The following NEDD1 variants were observed in gnomAD, a reference collection of about 807,000 sequenced individuals.
The protein encoded by NEDD1 is protein NEDD1.
Under a neutral mutation model 74.0 loss-of-function variants are expected in NEDD1, and 33 were observed. The ratio of observed to expected loss-of-function variants is 0.45; its 90% confidence interval spans 0.34 to 0.60. The LOEUF (loss-of-function observed/expected upper bound fraction) is 0.60. NEDD1 is among the 20% of genes least tolerant of loss of function. The probability of loss-of-function intolerance (pLI) is 0.01; values close to 1 mark genes in which losing one functional copy is unlikely to be tolerated. For synonymous variants in NEDD1, 250 were observed against 264.4 expected, an observed-to-expected ratio of 0.95 and a Z score of 0.53; for missense variants, 746 against 776.5, an observed-to-expected ratio of 0.96 and a Z score of 0.47.
intron 9 of NEDD1, among the ~76,000 whole-genome samples, chr12:96,939,941 A>G (rs755190766): frequency 2.6e-5 from 4 of 152,026 alleles, no homozygotes; most frequent in Non-Finnish European, 5.9e-5. Flanking sequence ...AAGTCAGGGA[A>G]GAAAAGTAAC....
intron 6 of NEDD1, among the ~76,000 whole-genome samples, chr12:96,928,925 C>T (rs1252910675): frequency 6.6e-6 from 1 of 151,712 alleles, no homozygotes; most frequent in Non-Finnish European, 1.5e-5. Context: ...CTCCTGACCT[C>T]GTGATCTGCC....
In NEDD1 at chr12:96,952,805, T is replaced by C. The variant is rs1477331021; in HGVS notation, c.*752T>C. 1 of 151,714 alleles carries C rather than the reference T, an allele frequency of 6.6e-6. No individual in the cohort carries two copies. Among genetic ancestry groups the C allele is most frequent in the Admixed American group, 6.6e-5 (1 of 15,204 alleles). 9.4% of individuals were successfully genotyped at this position (151,714 alleles called of 1,614,324 possible). A position where few individuals can be genotyped will look rare whatever the true frequency, so the allele number is the denominator to read the frequency against. ...TAACATGCAACGTTGTACTGCAAAATTTCAATCAACATGACAACTTATAAT... is the reference window on the plus strand; with the variant it reads ...TAACATGCAACGTTGTACTGCAAAACTTCAATCAACATGACAACTTATAAT... On this transcript the variant is annotated 3_prime_UTR_variant, in exon 16 of 16. Coordinates refer to ENST00000266742, the MANE Select transcript of NEDD1 (RefSeq NM_152905.4).
intron 2 of NEDD1, 33 bp downstream of exon 2, chr12:96,907,889 G>C (rs1413497925): frequency 7.6e-7 from 1 of 1,314,586 alleles, no homozygotes; most frequent in Non-Finnish European, 9.7e-7. Context: ...TCCCCGCCCC[G>C]CTTTAAGAGC....
chr12:96,950,423 G>A (rs1009486328), intron 14 of NEDD1, among the ~76,000 whole-genome samples: 1 of 152,024 alleles, frequency 6.6e-6, no homozygotes, highest in South Asian at 2.1e-4. Context: ...TGGCACATGT[G>A]GGTTTGGAGA....
intron 4 of NEDD1, among the ~76,000 whole-genome samples, chr12:96,913,111 G>C (rs574954214): frequency 6.6e-6 from 1 of 152,046 alleles, no homozygotes; most frequent in Non-Finnish European, 1.5e-5. Context: ...TGCTATTTTA[G>C]GACGATATCC....
rs1877777266 is a variant in NEDD1 at position 96,942,634 on chromosome 12, A to G, written c.1294+10A>G. On this transcript the variant is annotated intron_variant, in intron 11 of 15. Transcript: ENST00000266742. ...ATAGGCAAAGGAGATGGTAAGAACT[A>G]CTTAGAAGTATTTTCGTGAAAATGA... 7.3e-7 allele frequency: 1 copy of G among 1,373,300 alleles called. No homozygotes were observed. The highest frequency in any genetic ancestry group is 1.0e-6 in the Non-Finnish European group (1 of 962,568). The allele number at this position is 1,373,300 out of a possible 1,614,324, so 85.1% of individuals were successfully genotyped here.
chr12:96,932,346 C>T (rs1876569390), intron 6 of NEDD1, among the ~76,000 whole-genome samples: 2 of 142,756 alleles, frequency 1.4e-5, no homozygotes, highest in African/African-American at 5.2e-5. Flanking sequence ...GTGGCTCACA[C>T]CTGTAATCCC....
chr12:96,945,902 A>G, intron 14 of NEDD1, 53 bp downstream of exon 14: 2 of 1,091,188 alleles, frequency 1.8e-6, no homozygotes, highest in Non-Finnish European at 2.7e-6. Flanking sequence ...TTTTTTTTTT[A>G]GATGTAAAAC....
In NEDD1 at chr12:96,907,853, C is replaced by A; in HGVS notation, c.-12C>A. 3.0e-6 allele frequency: 4 copies of A among 1,351,934 alleles called. No homozygotes were observed. The East Asian group carries it at 1.1e-4, about 37-fold the overall frequency. The allele number at this position is 1,351,934 out of a possible 1,614,324, so 83.7% of individuals were successfully genotyped here. ...CCTTAATGCTCAGTTCTTAGAAGACCGAGGTAGGTGGGCAGATGGTCCTCT... is the reference window on the plus strand; with the variant it reads ...CCTTAATGCTCAGTTCTTAGAAGACAGAGGTAGGTGGGCAGATGGTCCTCT... On this transcript the variant is annotated 5_prime_UTR_variant, in exon 2 of 16. Coordinates refer to ENST00000266742, the MANE Select transcript of NEDD1 (RefSeq NM_152905.4).
At chr12:96,941,935 T>C (rs543040461) in intron 10 of NEDD1, among the ~76,000 whole-genome samples, 237 of 152,236 alleles carry the variant, frequency 1.6e-3, no homozygotes, top group African/African-American at 5.5e-3. Context: ...TCTCCTGATA[T>C]AGTTGTGTGT....
At chr12:96,920,813 A>G (rs1874999798) in intron 6 of NEDD1, among the ~76,000 whole-genome samples, 1 of 152,092 alleles carries the variant, frequency 6.6e-6, no homozygotes, top group Non-Finnish European at 1.5e-5. Context: ...CATAACTATT[A>G]TAAAATATGG....
intron 2 of NEDD1, among the ~76,000 whole-genome samples, chr12:96,908,536 C>T (rs994638992): frequency 3.9e-5 from 6 of 152,158 alleles, no homozygotes; most frequent in African/African-American, 1.4e-4. Context: ...AAGTGCCTGT[C>T]TAGAGCAGCT....
chr12:96,909,877 A>G lies in NEDD1; in HGVS notation c.118A>G (p.Ile40Val). Reference sequence around the variant, plus strand: ...CACATCACCACATGGAATCAGCTCAATATGTTGGAGCAGCAATAGTATCCT... The same window carrying G: ...CACATCACCACATGGAATCAGCTCAGTATGTTGGAGCAGCAATAGTATCCT... ...PHTSPHGISSICWSSNNNFLV... is the reference protein window; with the variant it reads ...PHTSPHGISSVCWSSNNNFLV... Residue 40 changes from isoleucine to valine, a missense_variant, in exon 3 of 16, where the codon ATA becomes GTA. Coordinates refer to ENST00000266742, the MANE Select transcript of NEDD1 (RefSeq NM_152905.4). 2 of 1,611,126 alleles carry G rather than the reference A, an allele frequency of 1.2e-6. No individual in the cohort carries two copies. The highest frequency in any genetic ancestry group is 1.7e-6 in the Non-Finnish European group (2 of 1,179,296).
chr12:96,916,036 A>G (rs1178076810), intron 4 of NEDD1, among the ~76,000 whole-genome samples: 3 of 152,176 alleles, frequency 2.0e-5, no homozygotes, highest in African/African-American at 7.2e-5. Context: ...TTTCTAGGCA[A>G]GGAGAATAGC....
chr12:96,931,468 A>G (rs1876460317), intron 6 of NEDD1, among the ~76,000 whole-genome samples: 2 of 152,220 alleles, frequency 1.3e-5, no homozygotes, highest in Non-Finnish European at 2.9e-5. Context: ...TCATAGCCCA[A>G]TAGAAAATAG....
rs1335356061 is a variant in NEDD1 at position 96,953,121 on chromosome 12, GTC to G, written c.*1072_*1073del. 1 of 150,392 alleles carries G rather than the reference GTC, an allele frequency of 6.6e-6. No individual in the cohort carries two copies. Among genetic ancestry groups the G allele is most frequent in the East Asian group, 2.0e-4 (1 of 5,128 alleles). The allele number at this position is 150,392 out of a possible 1,614,324, so 9.3% of individuals were successfully genotyped here. On this transcript the variant is annotated 3_prime_UTR_variant, in exon 16 of 16. Transcript: ENST00000266742. ...GGGCTACTGACTTGGTTACCTTCTT[GTC>G]TCTTGTCCCAAAGATTTAAACTGTG... is the stretch of plus-strand genomic sequence containing the variant.
chr12:96,937,430 G>GTTT, intron 9 of NEDD1, 37 bp downstream of exon 9: 4 of 1,112,486 alleles, frequency 3.6e-6, no homozygotes, highest in Non-Finnish European at 3.6e-6. Context: ...GGGTTGGTTT[G>GTTT]TTTTTTTTTT....
Position 96,952,090 on chromosome 12 carries a change from A to G in NEDD1, c.*37A>G, listed in dbSNP as rs1299282471. The G allele has an allele frequency of 8.7e-7, 1 of 1,147,784 alleles. No individual in the cohort carries two copies. The allele number at this position is 1,147,784 out of a possible 1,614,324, so 71.1% of individuals were successfully genotyped here. ...ATACCTTAATGTTCTGTAATTTGGGAAGTTTCTGGCAACACAGAACTACAT... is the reference window on the plus strand; with the variant it reads ...ATACCTTAATGTTCTGTAATTTGGGGAGTTTCTGGCAACACAGAACTACAT... On this transcript the variant is annotated 3_prime_UTR_variant, in exon 16 of 16. Transcript: ENST00000266742.
Position 96,907,292 on chromosome 12 carries a change from T to A in NEDD1, c.-270T>A. 3.4e-6 allele frequency: 1 copy of A among 296,792 alleles called. No individual in the cohort carries two copies. Among genetic ancestry groups the A allele is most frequent in the Non-Finnish European group, 6.2e-6 (1 of 162,560 alleles). The allele number at this position is 296,792 out of a possible 1,614,324, so 18.4% of individuals were successfully genotyped here. ...CGGCCGCGGCCCCCTGTTGTGTTGC[T>A]GCGGAGAGGTGAGGTTCCGGAGGCC... On this transcript the variant is annotated 5_prime_UTR_variant, in exon 1 of 16. Coordinates refer to ENST00000266742, the MANE Select transcript of NEDD1 (RefSeq NM_152905.4).
Sources: allele counts gnomAD v4.1 joint callset (sites outside exome capture counted in the v4.1 genomes callset), GRCh38; gene constraint gnomAD v4.1.1; transcripts MANE v1.5; gene names NCBI Gene and HGNC (gene_info 2026-07-23, HGNC 2026-07-21).